Variants in CELF3 observed in about 807,000 individuals in gnomAD.
CELF3 encodes CUGBP Elav-like family member 3, also known as CAG repeat domain.
A neutral mutation model predicts 59.6 loss-of-function variants in CELF3; 26 were observed. The ratio of observed to expected loss-of-function variants is 0.44; its 90% CI spans 0.32 to 0.61. The LOEUF is 0.61. Ranked by LOEUF, CELF3 falls within the 20% of genes least tolerant of loss-of-function variation. The pLI is 0.06. For missense variants in CELF3, 387 were observed against 627.2 expected (o/e 0.62, Z 4.09); for synonymous variants, 245 against 250.7 (o/e 0.98, Z 0.22).
At chr1:151,715,746 C>G (rs767482031) in intron 1 of CELF3, 130 bp downstream of exon 1, 70 of 1,595,188 alleles carry the variant, frequency 4.4e-5, no homozygotes, top group Admixed American at 2.9e-4. Flanking sequence ...CCTCCATCCA[C>G]TTTCCTCAGG....
Position 151,707,497 on chromosome 1 carries a change from C to G in CELF3, c.772+10G>C. 6.2e-7 allele frequency: 1 copy of G among 1,610,366 alleles called. No individual in the cohort carries two copies. Reference sequence around the variant, plus strand: ...CTTAGCTCCCTTGCCCGGCCTTGCCCAGGCCATACCTGAGGATGGGGTGAT... The same window carrying G: ...CTTAGCTCCCTTGCCCGGCCTTGCCGAGGCCATACCTGAGGATGGGGTGAT... On this transcript the variant is annotated intron_variant, in intron 7 of 12. Coordinates refer to ENST00000290583, the MANE Select transcript of CELF3 (RefSeq NM_007185.7).
Position 151,709,193 on chromosome 1 carries a change from T to TGGGGAAG in CELF3, c.406+20_406+26dup. 6.2e-7 allele frequency: 1 copy of TGGGGAAG among 1,610,602 alleles called. No homozygotes were observed. The highest frequency in any genetic ancestry group is 8.5e-7 in the Non-Finnish European group (1 of 1,177,296). Reference sequence around the variant, plus strand: ...TGGAACAGGAAGGGGAAGGGCCCGGTGGGGAAGGGGGAAGTGGGTGGACTA... The same window carrying TGGGGAAG: ...TGGAACAGGAAGGGGAAGGGCCCGGTGGGGAAGGGGGAAGGGGGAAGTGGGTGGACTA... On this transcript the variant is annotated intron_variant, in intron 4 of 12. Transcript: ENST00000290583. This position sits in a 1 kb window ranked among gnomAD's most constrained non-coding sequence, Gnocchi z 4.9.
chr1:151,716,325 G>C lies in CELF3; in HGVS notation c.-305C>G, dbSNP rs76603828. ...CCAGGATGGGGGTGAGTATGGCCAA[G>C]ACCTGGAGGGTTAGGTGGTAGCCGG... On this transcript the variant is annotated 5_prime_UTR_variant, in exon 1 of 13. Coordinates refer to ENST00000290583, the MANE Select transcript of CELF3 (RefSeq NM_007185.7). The C allele has an allele frequency of 7.7e-3, 2,852 of 371,566 alleles. 84 individuals are homozygous for C. Among genetic ancestry groups the C allele is most frequent in the African/African-American group, 0.054 (2,656 of 48,986 alleles). The allele number at this position is 371,566 out of a possible 1,614,324, so 23.0% of individuals were successfully genotyped here.
chr1:151,706,961 T>C (rs1170983698), intron 8 of CELF3, among the ~76,000 whole-genome samples, 184 bp downstream of exon 8: 3 of 151,828 alleles, frequency 2.0e-5, no homozygotes, highest in Non-Finnish European at 2.9e-5. Flanking sequence ...ACAGGTCGCT[T>C]CACTGCTCTA....
In CELF3 at chr1:151,702,867, CAGAG is replaced by C. The variant is rs1434408479; in HGVS notation, c.*588_*591del. ...GAGGAGGGTCTCTGTGGCTGACTGG[CAGAG>C]AGGCAGCCCTCAGGGCTCCCCCACA... On this transcript the variant is annotated 3_prime_UTR_variant, in exon 13 of 13. Coordinates refer to ENST00000290583, the MANE Select transcript of CELF3 (RefSeq NM_007185.7). 8.4e-6 allele frequency: 2 copies of C among 238,064 alleles called. No individual in the cohort carries two copies. The highest frequency in any genetic ancestry group is 4.5e-5 in the African/African-American group (2 of 44,926). The allele number at this position is 238,064 out of a possible 1,614,324, so 14.7% of individuals were successfully genotyped here. A position where few individuals can be genotyped will look rare whatever the true frequency, so the allele number is the denominator to read the frequency against.
Position 151,709,753 on chromosome 1 carries a change from C to G in CELF3, c.267G>C (p.Glu89Asp). 3 of 1,614,196 alleles carry G rather than the reference C, an allele frequency of 1.9e-6. No homozygotes were observed. In the South Asian group the frequency reaches 3.3e-5, roughly 18 times the overall value. Reference sequence around the variant, plus strand: ...AGGCACAGAACCTACCTCCTCGGCTCTCGCTGTCGGCTGGCTTGACCTGGA... The same window carrying G: ...AGGCACAGAACCTACCTCCTCGGCTGTCGCTGTCGGCTGGCTTGACCTGGA... ...RPIQVKPADS[E>D]SRGEDRKLFV... The change falls in exon 3 of 13, where the codon GAG (glutamate) becomes GAC (aspartate). Residue 89 changes from glutamate to aspartate, a missense_variant. Glu to Asp is a conservative substitution (Grantham distance 45). Around this residue, in one of 3 missense-constraint regions of CELF3, gnomAD observed 208 missense variants for 354.8 expected, o/e 0.59. Transcript: ENST00000290583. This position sits in a 1 kb window ranked among gnomAD's most constrained non-coding sequence, Gnocchi z 4.9.
At position 151,701,364 on chromosome 1, in the gene CELF3, G is replaced by A. The variant is rs1230954486; in HGVS notation, c.*2095C>T. On this transcript the variant is annotated 3_prime_UTR_variant, in exon 13 of 13. Transcript: ENST00000290583. Reference sequence around the variant, plus strand: ...GTGATCCTGAGCCTGCCCTAAAGCAGCTCACAGAGAAGAATCTAGGAAGTG... The same window carrying A: ...GTGATCCTGAGCCTGCCCTAAAGCAACTCACAGAGAAGAATCTAGGAAGTG... Among the ~76,000 whole-genome samples the A allele has an allele frequency of 6.6e-6, 1 of 152,166 alleles. No homozygotes were observed. The highest frequency in any genetic ancestry group is 6.5e-5 in the Admixed American group (1 of 15,278).
intron 9 of CELF3, 152 bp downstream of exon 9, chr1:151,706,517 C>T (rs1422951411): frequency 1.7e-6 from 2 of 1,143,408 alleles, no homozygotes; most frequent in Non-Finnish European, 2.5e-6. Context: ...GGGTGTGCTG[C>T]CCTTAAAGAC....
intron 1 of CELF3, 134 bp from the exon 2 acceptor site, chr1:151,714,810 AG>A: frequency 1.5e-6 from 1 of 684,164 alleles, no homozygotes; most frequent in Non-Finnish European, 2.6e-6. Flanking sequence ...TGGGGTAGAG[AG>A]GTGTCTCCAA....
At chr1:151,715,518 ACACG>A in intron 1 of CELF3, 2 of 845,390 alleles carry the variant, frequency 2.4e-6, no homozygotes, top group Non-Finnish European at 3.5e-6. Context: ...GTCTTGCTGC[ACACG>A]CACACACACA....
intron 8 of CELF3, 36 bp downstream of exon 8, chr1:151,707,109 G>A (rs759503473): frequency 5.5e-6 from 8 of 1,451,016 alleles, no homozygotes; most frequent in Middle Eastern, 1.8e-4. Flanking sequence ...GGTTTAGATG[G>A]TTGCTGGGAC....
chr1:151,704,368 G>T (rs1413798031), intron 12 of CELF3, among the ~76,000 whole-genome samples: 1 of 152,196 alleles, frequency 6.6e-6, no homozygotes, highest in Non-Finnish European at 1.5e-5. Context: ...GGTTGAGGTG[G>T]TGGCCAGCAA....
chr1:151,703,680 C>A (rs770826160), intron 12 of CELF3, among the ~76,000 whole-genome samples: 25 of 151,828 alleles, frequency 1.6e-4, no homozygotes, highest in South Asian at 1.3e-3. Flanking sequence ...GGAAACCAAA[C>A]GGTATTAGGA....
chr1:151,708,197 A>G (rs998633452), intron 5 of CELF3: 4 of 435,884 alleles, frequency 9.2e-6, no homozygotes, highest in Non-Finnish European at 1.6e-5. Context: ...TGAAAAGGGC[A>G]TCATTGGCTA....
rs1672516635 is a variant in CELF3 at position 151,706,246 on chromosome 1, T to TTGCTGCTGTTGCTGC, written c.1103_1104insGCAGCAACAGCAGCA (p.Gln369_Gln373dup). On this transcript the variant is annotated inframe_insertion, in exon 10 of 13. Coordinates refer to ENST00000290583, the MANE Select transcript of CELF3 (RefSeq NM_007185.7). ...CACCTTCTCTTTGCTGCTGCTGCTGTTGCTGCTGCTGCTGCTGCTGCTGCT... is the reference window on the plus strand; with the variant it reads ...CACCTTCTCTTTGCTGCTGCTGCTGTTGCTGCTGTTGCTGCTGCTGCTGCTGCTGCTGCTGCTGCT... 6.6e-7 allele frequency: 1 copy of TTGCTGCTGTTGCTGC among 1,526,368 alleles called. No individual in the cohort carries two copies. The highest frequency in any genetic ancestry group is 1.4e-5 in the African/African-American group (1 of 72,606). 94.6% of individuals were successfully genotyped at this position (1,526,368 alleles called of 1,614,324 possible).
At chr1:151,711,699 T>G (rs1372532237) in intron 2 of CELF3, 1 of 152,258 alleles carries the variant, frequency 6.6e-6, no homozygotes, top group Non-Finnish European at 1.5e-5. Flanking sequence ...ACTCAGGAAA[T>G]TCCCTCACAG....
At position 151,703,270 on chromosome 1, in the gene CELF3, T is replaced by C; in HGVS notation, c.*189A>G. On this transcript the variant is annotated 3_prime_UTR_variant, in exon 13 of 13. Transcript: ENST00000290583. ...ATGGGCCCTTGGAGCCAGGGAAGCA[T>C]AGCCATGGCCCTTCAGAGAGGCAGG... The C allele has an allele frequency of 2.2e-6, 1 of 456,644 alleles. No individual in the cohort carries two copies. Among genetic ancestry groups the C allele is most frequent in the South Asian group, 1.5e-5 (1 of 64,568 alleles). 28.3% of individuals were successfully genotyped at this position (456,644 alleles called of 1,614,324 possible).
At chr1:151,715,520 ACG>A in intron 1 of CELF3, 18 of 859,254 alleles carry the variant, frequency 2.1e-5, no homozygotes, top group Non-Finnish European at 2.4e-5. Flanking sequence ...CTTGCTGCAC[ACG>A]CACACACACA....
At chr1:151,703,537 GTGAC>G (rs920039295) in intron 12 of CELF3, 89 bp from the exon 13 acceptor site, 8 of 328,204 alleles carry the variant, frequency 2.4e-5, no homozygotes, top group African/African-American at 1.5e-4. Context: ...GCTGGGGTGA[GTGAC>G]AGCATCTAGG....
Sources: gnomAD v4.1 joint callset for allele counts (sites outside exome capture counted in the v4.1 genomes callset) on GRCh38, gnomAD v4.1.1 for gene constraint, gnomAD v4.1.1 regional missense constraint, Gnocchi (gnomAD v3.1) non-coding constraint, MANE v1.5 for transcripts, NCBI Gene and HGNC (gene_info 2026-07-23, HGNC 2026-07-21) for gene names.